GALC: variants seen among roughly 807,000 people sequenced by gnomAD.
The protein encoded by GALC is galactocerebrosidase.
A neutral mutation model predicts 91.8 loss-of-function variants in GALC; 77 were observed. That is an observed-to-expected ratio of 0.84 (90% CI 0.70 to 1.01). The LOEUF is 1.01. Ranked by LOEUF, GALC falls within the 50% of genes least tolerant of loss-of-function variation. The probability of loss-of-function intolerance (pLI) is 0.00; values close to 1 mark genes in which losing one functional copy is unlikely to be tolerated. For synonymous variants in GALC, 357 were observed against 306.7 expected, an observed-to-expected ratio of 1.16 and a Z score of -1.71; for missense variants, 882 against 855.9, an observed-to-expected ratio of 1.03 and a Z score of -0.38.
chr14:87,987,446 T>G (rs1258039059), intron 3 of GALC, among the ~76,000 whole-genome samples: 1 of 152,258 alleles, frequency 6.6e-6, no homozygotes, highest in Non-Finnish European at 1.5e-5. Context: ...CTTTTGTTTT[T>G]GCTTTGCACT....
chr14:87,942,262 C>A (rs1158929946), intron 14 of GALC, among the ~76,000 whole-genome samples: 1 of 151,924 alleles, frequency 6.6e-6, no homozygotes, highest in African/African-American at 2.4e-5. Context: ...GCTGATGCTG[C>A]TCGTCCAGGA....
intron 6 of GALC, among the ~76,000 whole-genome samples, chr14:87,977,874 T>C (rs941001552): frequency 7.9e-5 from 12 of 152,144 alleles, no homozygotes; most frequent in African/African-American, 2.7e-4. Context: ...GGGTGAAAAT[T>C]AGAGGTGGCA....
chr14:87,940,198 G>A (rs939132926), intron 15 of GALC, among the ~76,000 whole-genome samples: 2 of 151,784 alleles, frequency 1.3e-5, no homozygotes, highest in African/African-American at 4.8e-5. Context: ...CCTACTCTGA[G>A]CCATATACTA....
chr14:87,948,422 T>C (rs1436473871), intron 12 of GALC, among the ~76,000 whole-genome samples: 1 of 152,028 alleles, frequency 6.6e-6, no homozygotes, highest in Non-Finnish European at 1.5e-5. Context: ...AGTCACAATC[T>C]CCTCATCTAC....
rs375732556 is a variant in GALC at position 87,950,787 on chromosome 14, A to G, written c.1162-39T>C. 4.0e-5 allele frequency: 56 copies of G among 1,388,684 alleles called. No individual in the cohort carries two copies. The African/African-American group carries it at 6.1e-4, about 15-fold the overall frequency. 86.0% of individuals were successfully genotyped at this position (1,388,684 alleles called of 1,614,324 possible). On this transcript the variant is annotated intron_variant, in intron 10 of 16. Coordinates refer to ENST00000261304, the MANE Select transcript of GALC (RefSeq NM_000153.4). ...ATCACATACATTATCCAAATGATGT[A>G]TAAGCTACCTTAGGGGAAAAAAAGT...
intron 5 of GALC, among the ~76,000 whole-genome samples, chr14:87,983,491 T>C (rs1886831655): frequency 6.6e-6 from 1 of 152,210 alleles, no homozygotes; most frequent in African/African-American, 2.4e-5. Flanking sequence ...CTACTTCTCT[T>C]ACTGAACACA....
chr14:87,951,581 A>C (rs892985412), intron 10 of GALC, among the ~76,000 whole-genome samples: 31 of 151,848 alleles, frequency 2.0e-4, no homozygotes, highest in Admixed American at 1.9e-3. Flanking sequence ...ACTACACCAT[A>C]CTCTGATCCA....
chr14:87,956,621 C>CA (rs1310411201), intron 10 of GALC, among the ~76,000 whole-genome samples: 6 of 49,430 alleles, frequency 1.2e-4, no homozygotes, highest in Non-Finnish European at 2.3e-4. Context: ...CACACACACA[C>CA]CATATATATA....
intron 16 of GALC, among the ~76,000 whole-genome samples, chr14:87,937,171 TG>T (rs1595185849): frequency 6.6e-6 from 1 of 151,610 alleles, no homozygotes; most frequent in East Asian, 2.0e-4. Context: ...TAGAAGATGA[TG>T]TTTTGTTTTT....
At chr14:87,945,009 T>G (rs1489142054) in intron 14 of GALC, among the ~76,000 whole-genome samples, 2 of 152,102 alleles carry the variant, frequency 1.3e-5, no homozygotes, top group South Asian at 2.1e-4. Flanking sequence ...TAGTTTGGCA[T>G]TATATTTTAT....
At chr14:87,967,678 G>GTT (rs1886112494) in intron 8 of GALC, among the ~76,000 whole-genome samples, 1 of 152,124 alleles carries the variant, frequency 6.6e-6, no homozygotes, top group African/African-American at 2.4e-5. Context: ...CACATATCAA[G>GTT]TGATGCCATG....
intron 10 of GALC, among the ~76,000 whole-genome samples, chr14:87,957,681 T>C (rs973052653): frequency 6.6e-6 from 1 of 152,146 alleles, no homozygotes; most frequent in African/African-American, 2.4e-5. Context: ...TGTACACAAA[T>C]AATGTATATA....
intron 5 of GALC, among the ~76,000 whole-genome samples, chr14:87,982,752 T>A (rs1452014584): frequency 6.6e-6 from 1 of 152,168 alleles, no homozygotes; most frequent in Non-Finnish European, 1.5e-5. Context: ...CATATATACA[T>A]CTATTAGGTT....
chr14:87,993,167 T>C lies in GALC; in HGVS notation c.-3A>G. The C allele has an allele frequency of 2.5e-6, 4 of 1,589,420 alleles. No individual in the cohort carries two copies. Among genetic ancestry groups the C allele is most frequent in the East Asian group, 2.3e-5 (1 of 44,028 alleles). On this transcript the variant is annotated 5_prime_UTR_variant, in exon 1 of 17. Transcript: ENST00000261304. ...GCCGAGAGTAGCCACTCAGCCATTG[T>C]GTGGGTCACATGACTCCGGCGCCCA...
chr14:87,986,372 G>A (rs879878597), intron 4 of GALC, 117 bp downstream of exon 4: 2 of 722,868 alleles, frequency 2.8e-6, no homozygotes, highest in Non-Finnish European at 4.9e-6. Flanking sequence ...TAGCATACTG[G>A]TAGCATTAAT....
chr14:87,957,569 T>C (rs1377003181), intron 10 of GALC, among the ~76,000 whole-genome samples: 2 of 152,202 alleles, frequency 1.3e-5, no homozygotes, highest in Admixed American at 6.5e-5. Flanking sequence ...CAGTTGGTTT[T>C]AAGTATTTGG....
intron 4 of GALC, among the ~76,000 whole-genome samples, chr14:87,985,943 C>T (rs1388838735): frequency 6.6e-6 from 1 of 152,142 alleles, no homozygotes; most frequent in Non-Finnish European, 1.5e-5. Flanking sequence ...AGAACAGTAA[C>T]CAGCACATTA....
At chr14:87,982,768 T>G (rs1030173004) in intron 5 of GALC, among the ~76,000 whole-genome samples, 4 of 152,146 alleles carry the variant, frequency 2.6e-5, no homozygotes, top group Non-Finnish European at 5.9e-5. Context: ...AGGTTTAGAG[T>G]CATGAAGCAT....
At chr14:87,954,255 C>G in intron 10 of GALC, 1 of 1,536,096 alleles carries the variant, frequency 6.5e-7, no homozygotes, top group Non-Finnish European at 9.0e-7. Context: ...ATTGGAGCAC[C>G]TTCAGCCTGA....
Sources: gnomAD v4.1 joint callset for allele counts (sites outside exome capture counted in the v4.1 genomes callset) on GRCh38, gnomAD v4.1.1 for gene constraint, MANE v1.5 for transcripts, NCBI Gene and HGNC (gene_info 2026-07-23, HGNC 2026-07-21) for gene names.